Variants in WDR17 observed in about 807,000 individuals in gnomAD.
WDR17 encodes the protein WD repeat-containing protein 17.
WDR17 carries 143 observed loss-of-function variants against 161.7 expected under a neutral mutation model. That is an observed-to-expected ratio of 0.88 (90% CI 0.77 to 1.02). The LOEUF (loss-of-function observed/expected upper bound fraction) is 1.02, where lower values mean the gene tolerates loss of function less well. Ranked by LOEUF, WDR17 falls within the 50% of genes least tolerant of loss-of-function variation. The probability of loss-of-function intolerance (pLI) is 0.00; values close to 1 mark genes in which losing one functional copy is unlikely to be tolerated. For missense variants in WDR17, 1,469 were observed against 1,520.9 expected, an observed-to-expected ratio of 0.97 and a Z score of 0.57; for synonymous variants, 517 against 515.6, an observed-to-expected ratio of 1.00 and a Z score of -0.04.
At chr4:176,123,998 G>C (rs1742028823) in intron 4 of WDR17, among the ~76,000 whole-genome samples, 1 of 152,176 alleles carries the variant, frequency 6.6e-6, no homozygotes, top group South Asian at 2.1e-4. Flanking sequence ...GAGTTGTAAT[G>C]CCAGGAAACA....
At chr4:176,098,772 CTTT>C (rs894043906) in intron 1 of WDR17, among the ~76,000 whole-genome samples, 51 of 151,662 alleles carry the variant, frequency 3.4e-4, no homozygotes, top group African/African-American at 1.2e-3. Flanking sequence ...GTATGATATG[CTTT>C]TTATCTTTTA....
chr4:176,091,214 A>T (rs1223720558), intron 1 of WDR17, among the ~76,000 whole-genome samples: 1 of 152,234 alleles, frequency 6.6e-6, no homozygotes, highest in Admixed American at 6.5e-5. Flanking sequence ...TCCCCAACAC[A>T]TGCATCATTT....
chr4:176,128,573 G>C (rs188196036), intron 5 of WDR17, among the ~76,000 whole-genome samples, 165 bp from the exon 6 acceptor site: 12 of 152,224 alleles, frequency 7.9e-5, no homozygotes, highest in Admixed American at 4.6e-4. Context: ...AGGTTAAATA[G>C]TATTTCGGTT....
intron 6 of WDR17, among the ~76,000 whole-genome samples, chr4:176,131,265 GAGC>G (rs926804197): frequency 2.6e-5 from 4 of 152,072 alleles, no homozygotes; most frequent in Non-Finnish European, 4.4e-5. Flanking sequence ...TAATCATGCT[GAGC>G]TTTAATTTAT....
chr4:176,133,190 T>TA (rs1286278261), intron 7 of WDR17, among the ~76,000 whole-genome samples: 1 of 146,066 alleles, frequency 6.8e-6, no homozygotes, highest in African/African-American at 2.5e-5. Flanking sequence ...TTTTATTTTT[T>TA]TTTTTTTACC....
At chr4:176,177,766 G>A (rs1751655023) in intron 28 of WDR17, 112 bp downstream of exon 28, 3 of 1,044,734 alleles carry the variant, frequency 2.9e-6, no homozygotes, top group Non-Finnish European at 4.0e-6. Flanking sequence ...TTAGGACTGG[G>A]GTCCAGTAAG....
chr4:176,117,107 G>A (rs566420849), intron 3 of WDR17, among the ~76,000 whole-genome samples: 3 of 151,878 alleles, frequency 2.0e-5, no homozygotes, highest in South Asian at 2.1e-4. Flanking sequence ...TCAGCTATTC[G>A]GTGAGCTTCC....
intron 12 of WDR17, among the ~76,000 whole-genome samples, chr4:176,147,113 T>C (rs534754403): frequency 2.3e-3 from 353 of 152,124 alleles, no homozygotes; most frequent in Non-Finnish European, 3.1e-3. Flanking sequence ...GATCCGCCCG[T>C]CTCAGCCTCC....
rs187450631 is a variant in WDR17 at position 176,157,049 on chromosome 4, A to G, written c.2525+906A>G. Among the ~76,000 whole-genome samples the G allele has an allele frequency of 1.7e-3, 266 of 152,222 alleles. 2 individuals carry two copies. Among genetic ancestry groups the G allele is most frequent in the South Asian group, 2.7e-3 (13 of 4,808 alleles). Reference sequence around the variant, plus strand: ...TTACATCGGCTAAGACCCTATTTCCATATATGGTTACATTCACAGGTATCG... The same window carrying G: ...TTACATCGGCTAAGACCCTATTTCCGTATATGGTTACATTCACAGGTATCG... On this transcript the variant is annotated intron_variant, in intron 18 of 28. Coordinates refer to ENST00000508596, the MANE Select transcript of WDR17 (RefSeq NM_181265.4).
At chr4:176,152,714 C>T (rs1034859048) in intron 17 of WDR17, among the ~76,000 whole-genome samples, 2 of 150,996 alleles carry the variant, frequency 1.3e-5, no homozygotes, top group African/African-American at 4.9e-5. Flanking sequence ...GCGGAAGGAT[C>T]ACTTGAGGAC....
intron 5 of WDR17, among the ~76,000 whole-genome samples, chr4:176,126,090 C>T (rs980041334): frequency 3.3e-5 from 5 of 152,210 alleles, no homozygotes; most frequent in Non-Finnish European, 7.3e-5. Flanking sequence ...CATGACCTAA[C>T]TGCCTCTGAT....
chr4:176,148,691 C>G (rs1174312058), intron 13 of WDR17, among the ~76,000 whole-genome samples: 3 of 152,122 alleles, frequency 2.0e-5, no homozygotes, highest in Non-Finnish European at 4.4e-5. Context: ...TGACATCACT[C>G]CAGAGGTAAG....
chr4:176,167,612 A>T (rs1448141640), intron 22 of WDR17, among the ~76,000 whole-genome samples: 1 of 120,306 alleles, frequency 8.3e-6, no homozygotes, highest in African/African-American at 3.1e-5. Context: ...GCGCCACTGC[A>T]CTCCAGCCTG....
chr4:176,149,871 ACT>A lies in WDR17; in HGVS notation c.1965_1966del (p.Trp656ValfsTer27). Reference sequence around the variant, plus strand: ...CTTGCTCCCGTGACTCTACAGTGAGACTCTGGTCATTAACAGCCTTAGTCACT... The same window carrying A: ...CTTGCTCCCGTGACTCTACAGTGAGACTGGTCATTAACAGCCTTAGTCACT... ...ASCSRDSTVR[L>X]WSLTALVTPV... On this transcript the variant is annotated frameshift_variant, in exon 14 of 29. Coordinates refer to ENST00000508596, the MANE Select transcript of WDR17 (RefSeq NM_181265.4). LOFTEE classifies it high-confidence loss of function. 1 of 1,614,076 alleles carries A rather than the reference ACT, an allele frequency of 6.2e-7. No individual in the cohort carries two copies. The highest frequency in any genetic ancestry group is 1.3e-5 in the African/African-American group (1 of 75,026).
chr4:176,106,854 G>C lies in WDR17; in HGVS notation c.-6-4721G>C, dbSNP rs140210040. On this transcript the variant is annotated intron_variant, in intron 1 of 28. Coordinates refer to ENST00000508596, the MANE Select transcript of WDR17 (RefSeq NM_181265.4). Reference sequence around the variant, plus strand: ...TAGGCCTAGCTACTTGGGAGTCTGAGGCAGCAGGATCACGTGAGCCTAGGA... The same window carrying C: ...TAGGCCTAGCTACTTGGGAGTCTGACGCAGCAGGATCACGTGAGCCTAGGA... Among the ~76,000 whole-genome samples, 393 of 152,244 alleles carry C rather than the reference G, an allele frequency of 2.6e-3. 1 individual carries two copies. Among genetic ancestry groups the C allele is most frequent in the African/African-American group, 9.1e-3 (377 of 41,544 alleles).
intron 1 of WDR17, among the ~76,000 whole-genome samples, chr4:176,110,337 T>C (rs1321214693): frequency 6.6e-6 from 1 of 152,072 alleles, no homozygotes; most frequent in Admixed American, 6.6e-5. Context: ...GAGACGGGGT[T>C]TCACCATGTT....
At chr4:176,125,488 T>G in intron 5 of WDR17, 133 bp downstream of exon 5, 1 of 1,097,978 alleles carries the variant, frequency 9.1e-7, no homozygotes, top group Non-Finnish European at 1.3e-6. Context: ...TTGTAGTAAA[T>G]TACTAGTGTA....
chr4:176,162,121 G>A lies in WDR17; in HGVS notation c.2797G>A (p.Asp933Asn), dbSNP rs148579014. Reference protein sequence around the residue: ...SKELAEWYFQDGRAVLAACCH... With the variant: ...SKELAEWYFQNGRAVLAACCH... ...AGAACTGGCAGAATGGTATTTTCAA[G>A]ATGGTCGAGCAGTACTAGCCGCATG... The change falls in exon 21 of 29, where the codon GAT becomes AAT. Residue 933 changes from aspartate to asparagine, a missense_variant. Physicochemically the swap from Asp to Asn is conservative, Grantham distance 23. Transcript: ENST00000508596. 6,744 of 1,613,288 alleles carry A rather than the reference G, an allele frequency of 4.2e-3. 21 individuals are homozygous for A. Among genetic ancestry groups the A allele is most frequent in the Non-Finnish European group, 5.0e-3 (5,882 of 1,179,496 alleles).
intron 18 of WDR17, among the ~76,000 whole-genome samples, chr4:176,157,872 A>G (rs1372762123): frequency 1.3e-5 from 2 of 152,184 alleles, no homozygotes; most frequent in South Asian, 2.1e-4. Flanking sequence ...GTGTATATGA[A>G]CTGAGCTATA....
Sources: allele counts gnomAD v4.1 joint callset (sites outside exome capture counted in the v4.1 genomes callset), GRCh38; gene constraint gnomAD v4.1.1; transcripts MANE v1.5; gene names NCBI Gene and HGNC (gene_info 2026-07-23, HGNC 2026-07-21).